Variants in NYAP2 observed in about 807,000 individuals in gnomAD.
The protein encoded by NYAP2 is neuronal tyrosine-phosphorylated phosphoinositide-3-kinase adaptor 2.
A neutral mutation model predicts 50.4 loss-of-function variants in NYAP2; 23 were observed. That is an observed-to-expected ratio of 0.46 (90% CI 0.33 to 0.65). The LOEUF (loss-of-function observed/expected upper bound fraction) is 0.65, where lower values mean the gene tolerates loss of function less well. Among genes scored for constraint, NYAP2 ranks in the 30% least tolerant of loss-of-function variants. The pLI is 0.02. For synonymous variants in NYAP2, 394 were observed against 365.2 expected (o/e 1.08, Z -0.90); for missense variants, 885 against 861.0 (o/e 1.03, Z -0.35).
At chr2:225,660,459 T>TG in the NYAP2 span, among the ~76,000 whole-genome samples, 3 of 150,266 alleles carry the variant, frequency 2.0e-5, no homozygotes, top group East Asian at 5.8e-4. Context: ...TTTTTTTTTT[T>TG]GCCAACCTCA....
the NYAP2 span, among the ~76,000 whole-genome samples, chr2:225,687,582 TTAAG>T: frequency 6.6e-5 from 10 of 152,308 alleles, no homozygotes; most frequent in African/African-American, 2.4e-4. Flanking sequence ...ATTTTATTTC[TTAAG>T]TAATATGTTA....
chr2:225,667,237 G>A, the NYAP2 span, among the ~76,000 whole-genome samples: 11 of 150,728 alleles, frequency 7.3e-5, no homozygotes, highest in Admixed American at 5.4e-4. Context: ...AAACTCCTGT[G>A]TTCAAAGAAA....
chr2:225,620,252 CAA>C (rs974942723), intron 5 of NYAP2, among the ~76,000 whole-genome samples: 1 of 152,186 alleles, frequency 6.6e-6, no homozygotes, highest in Non-Finnish European at 1.5e-5. Context: ...TTATATATTA[CAA>C]GAGTCTAATT....
At chr2:225,505,371 T>C (rs1196378009) in intron 3 of NYAP2, among the ~76,000 whole-genome samples, 1 of 152,212 alleles carries the variant, frequency 6.6e-6, no homozygotes, top group East Asian at 1.9e-4. Flanking sequence ...TGGTTTTGAA[T>C]GAGCATGTGT....
chr2:225,550,253 A>G (rs1374750979), intron 4 of NYAP2, among the ~76,000 whole-genome samples: 1 of 152,196 alleles, frequency 6.6e-6, no homozygotes, highest in Non-Finnish European at 1.5e-5. Flanking sequence ...GTGCAAAAGC[A>G]ATACTCATTC....
intron 4 of NYAP2, among the ~76,000 whole-genome samples, chr2:225,516,051 C>T (rs201301566): frequency 6.6e-5 from 10 of 152,038 alleles, no homozygotes; most frequent in East Asian, 1.9e-4. Flanking sequence ...AAGCCGCCTT[C>T]GTGGAGGGGG....
chr2:225,673,009 T>TG, the NYAP2 span, among the ~76,000 whole-genome samples: 132 of 150,342 alleles, frequency 8.8e-4, no homozygotes, highest in Non-Finnish European at 1.7e-3. Context: ...TACCTGAGAC[T>TG]GGGGAAAAAA....
At chr2:225,625,299 A>G (rs1693190428) in intron 5 of NYAP2, among the ~76,000 whole-genome samples, 1 of 152,194 alleles carries the variant, frequency 6.6e-6, no homozygotes, top group Non-Finnish European at 1.5e-5. Context: ...GAAATCTGCA[A>G]TATAAATAAA....
chr2:225,520,332 C>T (rs1308136304), intron 4 of NYAP2, among the ~76,000 whole-genome samples: 34 of 152,170 alleles, frequency 2.2e-4, no homozygotes, highest in Non-Finnish European at 4.6e-4. Flanking sequence ...GTGTTTTAGA[C>T]ATGAAGTCCT....
At chr2:225,513,643 A>G (rs772648136) in exon 4 of NYAP2, 1 of 1,522,144 alleles carries the variant, frequency 6.6e-7, no homozygotes, top group Non-Finnish European at 8.8e-7. Context: ...GCAGCCAGTA[A>G]GAGCGGGAAA....
At chr2:225,598,729 G>GACATTACAATTTCA (rs1692648489) in intron 5 of NYAP2, among the ~76,000 whole-genome samples, 2 of 152,276 alleles carry the variant, frequency 1.3e-5, no homozygotes, top group Admixed American at 6.5e-5. Context: ...ATATGTGAAA[G>GACATTACAATTTCA]GCTATAGACA....
chr2:225,508,537 T>G (rs1690751467), intron 3 of NYAP2, among the ~76,000 whole-genome samples: 1 of 152,086 alleles, frequency 6.6e-6, no homozygotes, highest in African/African-American at 2.4e-5. Context: ...GAAGAATGCC[T>G]GTGAGAGATA....
At chr2:225,664,534 T>A in the NYAP2 span, among the ~76,000 whole-genome samples, 1 of 152,120 alleles carries the variant, frequency 6.6e-6, no homozygotes, top group Non-Finnish European at 1.5e-5. Flanking sequence ...CTTACAAGTT[T>A]TACCTACTTA....
chr2:225,648,883 C>T (rs1693682717), intron 6 of NYAP2, among the ~76,000 whole-genome samples: 1 of 152,084 alleles, frequency 6.6e-6, no homozygotes, highest in Non-Finnish European at 1.5e-5. Context: ...CATGCGACTG[C>T]TGATGTTCTT....
chr2:225,651,670 G>T, exon 7 of NYAP2: 3 of 1,147,184 alleles, frequency 2.6e-6, no homozygotes, highest in Non-Finnish European at 2.5e-6. Context: ...ATGGGTTAGG[G>T]GATGCGGGGG....
the NYAP2 span, chr2:225,703,322 A>G: frequency 6.6e-6 from 1 of 151,768 alleles, no homozygotes; most frequent in East Asian, 1.9e-4. Context: ...TGAATGTCAT[A>G]TTGCATTTTT....
intron 6 of NYAP2, among the ~76,000 whole-genome samples, chr2:225,634,406 C>A (rs1181279839): frequency 2.0e-5 from 3 of 152,188 alleles, no homozygotes; most frequent in South Asian, 2.1e-4. Context: ...ATATATTCTG[C>A]TCTGCAGAAC....
At chr2:225,593,801 G>GA (rs1231939095) in intron 5 of NYAP2, among the ~76,000 whole-genome samples, 1 of 152,084 alleles carries the variant, frequency 6.6e-6, no homozygotes, top group African/African-American at 2.4e-5. Context: ...GAACTTTAGG[G>GA]AAAAAAGCCA....
chr2:225,448,984 T>C (rs1007328916), intron 3 of NYAP2, among the ~76,000 whole-genome samples: 2 of 152,150 alleles, frequency 1.3e-5, no homozygotes, highest in Non-Finnish European at 2.9e-5. Context: ...CTGGACACAA[T>C]AAAAAATGTC....
Sources: allele counts gnomAD v4.1 joint callset (sites outside exome capture counted in the v4.1 genomes callset), GRCh38; gene constraint gnomAD v4.1.1; transcripts MANE v1.5; gene names NCBI Gene and HGNC (gene_info 2026-07-23, HGNC 2026-07-21).